The following DENND1B variants were observed in gnomAD, a reference collection of about 807,000 sequenced individuals.
DENND1B encodes DENN domain-containing protein 1B.
A neutral mutation model predicts 90.1 loss-of-function variants in DENND1B; 59 were observed. That is an observed-to-expected ratio of 0.65 (90% CI 0.53 to 0.81). DENND1B has a LOEUF of 0.81. Among genes scored for constraint, DENND1B ranks in the 40% least tolerant of loss-of-function variants. The pLI, the probability that DENND1B is intolerant of heterozygous loss-of-function variation, is 0.00. For synonymous variants in DENND1B, 337 were observed against 324.6 expected, an observed-to-expected ratio of 1.04 and a Z score of -0.41; for missense variants, 862 against 912.6, an observed-to-expected ratio of 0.94 and a Z score of 0.71.
chr1:197,775,031 G>T (rs939779142), intron 1 of DENND1B, 108 bp downstream of exon 1: 5 of 794,456 alleles, frequency 6.3e-6, no homozygotes, highest in African/African-American at 1.8e-5. Context: ...GGCCAACCTC[G>T]GCCGCCCGGG....
intron 20 of DENND1B, among the ~76,000 whole-genome samples, chr1:197,525,171 A>T (rs2125621816): frequency 6.6e-6 from 1 of 152,240 alleles, no homozygotes; most frequent in South Asian, 2.1e-4. Context: ...AACTGTTAAT[A>T]CTTTTAGCCA....
chr1:197,592,873 T>C (rs1675360561), intron 14 of DENND1B, among the ~76,000 whole-genome samples: 1 of 152,162 alleles, frequency 6.6e-6, no homozygotes, highest in Non-Finnish European at 1.5e-5. Context: ...TAAAAAGTAA[T>C]GTCTAGTAAA....
intron 1 of DENND1B, 190 bp from the exon 2 acceptor site, chr1:197,773,122 G>A (rs1656830953): frequency 1.7e-6 from 1 of 590,330 alleles, no homozygotes; most frequent in East Asian, 3.0e-5. Context: ...CTGAGACTTA[G>A]GAATTCTGAA....
At chr1:197,583,613 T>C (rs1247884748) in intron 14 of DENND1B, among the ~76,000 whole-genome samples, 4 of 152,162 alleles carry the variant, frequency 2.6e-5, no homozygotes, top group Non-Finnish European at 5.9e-5. Context: ...GAAAACACTG[T>C]TACTATAAAA....
chr1:197,549,146 A>G (rs1469541145), intron 16 of DENND1B, among the ~76,000 whole-genome samples: 3 of 152,142 alleles, frequency 2.0e-5, no homozygotes, highest in African/African-American at 7.2e-5. Context: ...TCTTAACATT[A>G]TTTTTGTTAA....
intron 5 of DENND1B, among the ~76,000 whole-genome samples, chr1:197,663,402 T>C (rs1654616909): frequency 6.6e-6 from 1 of 152,124 alleles, no homozygotes; most frequent in South Asian, 2.1e-4. Flanking sequence ...ACGTAGCCAT[T>C]GCTCCTAGAA....
intron 20 of DENND1B, among the ~76,000 whole-genome samples, chr1:197,528,693 T>C (rs1669322182): frequency 2.0e-5 from 3 of 151,808 alleles, no homozygotes; most frequent in African/African-American, 2.4e-5. Flanking sequence ...ACCCCGTCTC[T>C]ACTAAAAATA....
chr1:197,576,537 G>A (rs1673702297), intron 15 of DENND1B, among the ~76,000 whole-genome samples: 1 of 152,108 alleles, frequency 6.6e-6, no homozygotes, highest in Non-Finnish European at 1.5e-5. Flanking sequence ...GGTAAGAAGA[G>A]GGTAATACAA....
intron 5 of DENND1B, among the ~76,000 whole-genome samples, chr1:197,662,157 T>C (rs886440402): frequency 6.6e-6 from 1 of 152,072 alleles, no homozygotes; most frequent in African/African-American, 2.4e-5. Context: ...TTTACCCTTA[T>C]GGGATATTTC....
intron 2 of DENND1B, among the ~76,000 whole-genome samples, chr1:197,765,474 T>C (rs1655593226): frequency 6.6e-6 from 1 of 152,198 alleles, no homozygotes; most frequent in African/African-American, 2.4e-5. Flanking sequence ...CAGTAAATTA[T>C]TATCCCCTAA....
intron 2 of DENND1B, among the ~76,000 whole-genome samples, chr1:197,763,098 G>C (rs904087242): frequency 5.9e-5 from 9 of 152,090 alleles, no homozygotes; most frequent in African/African-American, 1.9e-4. Context: ...ATTACTTGAG[G>C]TCAGGAGCTC....
chr1:197,602,291 A>T (rs1302741418), intron 13 of DENND1B, among the ~76,000 whole-genome samples: 1 of 151,560 alleles, frequency 6.6e-6, no homozygotes, highest in Non-Finnish European at 1.5e-5. Flanking sequence ...GCCTATTTAC[A>T]AAGCACAGTA....
chr1:197,552,758 T>A, intron 16 of DENND1B: 1 of 1,232,534 alleles, frequency 8.1e-7, no homozygotes. Context: ...TGGATTTCTG[T>A]ATTACTAATT....
At chr1:197,698,462 G>A (rs1031933493) in intron 3 of DENND1B, among the ~76,000 whole-genome samples, 3 of 152,046 alleles carry the variant, frequency 2.0e-5, no homozygotes, top group Non-Finnish European at 4.4e-5. Flanking sequence ...CAGAAAGCTA[G>A]AAAGATCTCA....
intron 3 of DENND1B, among the ~76,000 whole-genome samples, chr1:197,689,296 C>T (rs1657598364): frequency 6.6e-6 from 1 of 152,064 alleles, no homozygotes; most frequent in South Asian, 2.1e-4. Context: ...GTTATAAAAC[C>T]ATCAAATCTC....
At chr1:197,747,351 T>C (rs1455498765) in intron 2 of DENND1B, 27 of 552,196 alleles carry the variant, frequency 4.9e-5, no homozygotes. Flanking sequence ...CTCTTTATCT[T>C]CTTGTGAGTT....
intron 3 of DENND1B, 131 bp from the exon 4 acceptor site, chr1:197,674,300 C>T (rs1655830364): frequency 3.1e-6 from 2 of 650,698 alleles, no homozygotes; most frequent in South Asian, 4.1e-5. Context: ...AGCACAGGTT[C>T]CTAGACTAAA....
chr1:197,763,223 A>T (rs1434782069), intron 2 of DENND1B, among the ~76,000 whole-genome samples: 3 of 152,168 alleles, frequency 2.0e-5, no homozygotes, highest in Non-Finnish European at 2.9e-5. Context: ...AGGCGGGAGG[A>T]TCCCTGGAGC....
Position 197,553,116 on chromosome 1 carries a change from G to T in DENND1B, c.1150-4C>A. 6.6e-7 allele frequency: 1 copy of T among 1,512,144 alleles called. No homozygotes were observed. Among genetic ancestry groups the T allele is most frequent in the Non-Finnish European group, 8.8e-7 (1 of 1,135,202 alleles). The allele number at this position is 1,512,144 out of a possible 1,614,324, so 93.7% of individuals were successfully genotyped here. On this transcript the variant is annotated splice_region_variant and splice_polypyrimidine_tract_variant and intron_variant, in intron 15 of 22. Coordinates refer to ENST00000620048, the MANE Select transcript of DENND1B (RefSeq NM_001195215.2). ...TTGCCAGTCGACCATCGATAAACTA[G>T]AATTAAAAAGTGTCAAATAAAATGT...
Sources: gnomAD v4.1 joint callset for allele counts (sites outside exome capture counted in the v4.1 genomes callset) on GRCh38, gnomAD v4.1.1 for gene constraint, MANE v1.5 for transcripts, NCBI Gene and HGNC (gene_info 2026-07-23, HGNC 2026-07-21) for gene names.